The following NAV2 variants were observed in gnomAD, a reference collection of about 807,000 sequenced individuals.
NAV2 encodes the protein helicase, APC down-regulated 1.
Under a neutral mutation model 223.2 loss-of-function variants are expected in NAV2, and 54 were observed. The ratio of observed to expected loss-of-function variants is 0.24; its 90% CI spans 0.19 to 0.30. The LOEUF is 0.30. Ranked by LOEUF, NAV2 falls within the 10% of genes least tolerant of loss-of-function variation. The pLI is 1.00. For synonymous variants in NAV2, 1,279 were observed against 1,239.3 expected, an observed-to-expected ratio of 1.03 and a Z score of -0.67; for missense variants, 2,806 against 3,147.5, an observed-to-expected ratio of 0.89 and a Z score of 2.60.
chr11:19,539,206 G>A (rs1445769178), intron 1 of NAV2, among the ~76,000 whole-genome samples: 2 of 152,194 alleles, frequency 1.3e-5, no homozygotes, highest in African/African-American at 4.8e-5. Flanking sequence ...CAAACTGGGG[G>A]TAGATGAAGA....
At chr11:20,054,408 G>C (rs1021619085) in intron 18 of NAV2, among the ~76,000 whole-genome samples, 168 bp downstream of exon 18, 1 of 152,172 alleles carries the variant, frequency 6.6e-6, no homozygotes, top group Non-Finnish European at 1.5e-5. Context: ...CCCATCACTT[G>C]AGTTATCTTA....
At chr11:20,117,850 C>A (rs972577179) in intron 37 of NAV2, among the ~76,000 whole-genome samples, 1 of 152,190 alleles carries the variant, frequency 6.6e-6, no homozygotes, top group Non-Finnish European at 1.5e-5. Flanking sequence ...ACTCAATCCA[C>A]CCATAACATT....
At chr11:19,539,896 C>T (rs941584110) in intron 1 of NAV2, among the ~76,000 whole-genome samples, 1 of 152,150 alleles carries the variant, frequency 6.6e-6, no homozygotes, top group African/African-American at 2.4e-5. Context: ...TGAGATAGGT[C>T]GTGGAGGGGG....
intron 1 of NAV2, among the ~76,000 whole-genome samples, chr11:19,406,988 T>C (rs1001201239): frequency 1.3e-5 from 2 of 152,172 alleles, no homozygotes; most frequent in African/African-American, 4.8e-5. Flanking sequence ...CTGTATGGCT[T>C]TTAACTTTGT....
chr11:19,729,341 C>T (rs2051534755), intron 1 of NAV2, among the ~76,000 whole-genome samples: 1 of 151,958 alleles, frequency 6.6e-6, no homozygotes, highest in Non-Finnish European at 1.5e-5. Flanking sequence ...GTGGAGAGCT[C>T]TGGTGGACAG....
intron 1 of NAV2, among the ~76,000 whole-genome samples, chr11:19,426,792 CCTAT>C (rs1294781031): frequency 6.6e-6 from 1 of 152,018 alleles, no homozygotes; most frequent in Non-Finnish European, 1.5e-5. Context: ...CTCTTGAGGA[CCTAT>C]CTGACTCTCA....
At chr11:19,952,906 A>G (rs966098425) in intron 10 of NAV2, among the ~76,000 whole-genome samples, 1 of 152,182 alleles carries the variant, frequency 6.6e-6, no homozygotes, top group Admixed American at 6.5e-5. Flanking sequence ...TATACCAGGC[A>G]TGTCTAAGTA....
intron 1 of NAV2, among the ~76,000 whole-genome samples, chr11:19,419,256 A>C (rs954390642): frequency 2.0e-5 from 3 of 152,196 alleles, no homozygotes; most frequent in Non-Finnish European, 2.9e-5. Context: ...TCTTTCAAAA[A>C]CATGTGACTT....
intron 1 of NAV2, among the ~76,000 whole-genome samples, chr11:19,815,479 A>G (rs2059045826): frequency 6.6e-6 from 1 of 152,242 alleles, no homozygotes; most frequent in African/African-American, 2.4e-5. Context: ...GTGGTTCTGA[A>G]GTTGGATGAA....
At chr11:19,858,650 T>C (rs1385737494) in intron 3 of NAV2, among the ~76,000 whole-genome samples, 1 of 152,214 alleles carries the variant, frequency 6.6e-6, no homozygotes, top group Non-Finnish European at 1.5e-5. Context: ...GACTCTTGAC[T>C]CTCCTTAGCC....
chr11:19,965,158 A>G (rs528169171), intron 10 of NAV2, among the ~76,000 whole-genome samples: 1 of 151,168 alleles, frequency 6.6e-6, no homozygotes, highest in African/African-American at 2.4e-5. Flanking sequence ...TCCTCTTCCC[A>G]TTCTCCTGTT....
chr11:19,688,592 A>G (rs916540527), intron 1 of NAV2, among the ~76,000 whole-genome samples: 4 of 152,224 alleles, frequency 2.6e-5, no homozygotes, highest in Non-Finnish European at 5.9e-5. Flanking sequence ...TGCTCTTTTC[A>G]AATTTCAAAG....
At chr11:19,348,648 A>C (rs1469575356), upstream of NAV2, among the ~76,000 whole-genome samples, 2 of 152,264 alleles carry the variant, frequency 1.3e-5, no homozygotes, top group Non-Finnish European at 2.9e-5. Context: ...TATATGAAGC[A>C]GTAGCTAGCA....
At position 20,008,989 on chromosome 11, in the gene NAV2, A is replaced by G. The variant is rs113749164; in HGVS notation, c.2768+24742A>G. 3.8e-3 allele frequency among the ~76,000 whole-genome samples: 571 copies of G among 152,226 alleles called. 7 individuals carry two copies. Among genetic ancestry groups the G allele is most frequent in the African/African-American group, 0.013 (547 of 41,538 alleles). On this transcript the variant is annotated intron_variant, in intron 11 of 37. Coordinates refer to ENST00000349880, the MANE Select transcript of NAV2 (RefSeq NM_145117.5). Reference sequence around the variant, plus strand: ...ACTACGTTTCCTTCTTATTAGTCCCATCGTGTTCAACCATCACTTCCTGTA... The same window carrying G: ...ACTACGTTTCCTTCTTATTAGTCCCGTCGTGTTCAACCATCACTTCCTGTA...
At chr11:19,430,548 G>C (rs917634625) in intron 1 of NAV2, among the ~76,000 whole-genome samples, 1 of 152,202 alleles carries the variant, frequency 6.6e-6, no homozygotes, top group East Asian at 1.9e-4. Context: ...TGGCTATCAC[G>C]GCAGCTTCAG....
intron 5 of NAV2, among the ~76,000 whole-genome samples, chr11:19,886,785 G>A (rs961436280): frequency 1.3e-5 from 2 of 152,196 alleles, no homozygotes. Context: ...GAAGATGAGG[G>A]CGTGTCAACC....
chr11:19,536,497 C>T (rs1383659454), intron 1 of NAV2, among the ~76,000 whole-genome samples: 3 of 152,192 alleles, frequency 2.0e-5, no homozygotes, highest in Admixed American at 1.3e-4. Context: ...CACCCCACAC[C>T]GTGAATCACA....
chr11:19,713,461 A>G lies in NAV2; in HGVS notation c.-235A>G, dbSNP rs1238850824. ...TGAGACCCGGCGGCAGCATCCGTCC[A>G]GGTGGGACCCGCTGAGCGCCGTGGC... On this transcript the variant is annotated 5_prime_UTR_variant, in exon 1 of 38. Transcript: ENST00000349880. This position sits in a 1 kb window ranked among gnomAD's most constrained non-coding sequence, Gnocchi z 7.2. The G allele has an allele frequency of 1.2e-5, 16 of 1,327,094 alleles. No homozygotes were observed. The highest frequency in any genetic ancestry group is 1.5e-5 in the Non-Finnish European group (16 of 1,044,644). The allele number at this position is 1,327,094 out of a possible 1,614,324, so 82.2% of individuals were successfully genotyped here.
At chr11:19,876,766 A>G (rs760818056) in intron 4 of NAV2, among the ~76,000 whole-genome samples, 12 of 151,998 alleles carry the variant, frequency 7.9e-5, no homozygotes, top group Admixed American at 1.3e-4. Context: ...TCCTCCAGGT[A>G]TGCTGAATTG....
Sources: gnomAD v4.1 joint callset for allele counts (sites outside exome capture counted in the v4.1 genomes callset) on GRCh38, gnomAD v4.1.1 for gene constraint, Gnocchi (gnomAD v3.1) non-coding constraint, MANE v1.5 for transcripts, NCBI Gene and HGNC (gene_info 2026-07-23, HGNC 2026-07-21) for gene names.